Variants in PLCL1 observed in about 807,000 individuals in gnomAD.
PLCL1 encodes phospholipase C like 1 (inactive).
Under a neutral mutation model 84.4 loss-of-function variants are expected in PLCL1, and 41 were observed. The ratio of observed to expected loss-of-function variants is 0.49; its 90% CI spans 0.38 to 0.63. The LOEUF (loss-of-function observed/expected upper bound fraction) is 0.63, where lower values mean the gene tolerates loss of function less well. Ranked by LOEUF, PLCL1 falls within the 30% of genes least tolerant of loss-of-function variation. PLCL1 has a pLI of 0.00. For synonymous variants in PLCL1, 490 were observed against 488.3 expected, an observed-to-expected ratio of 1.00 and a Z score of -0.05; for missense variants, 1,206 against 1,367.8, an observed-to-expected ratio of 0.88 and a Z score of 1.87.
At chr2:198,053,219 T>A (rs540880775) in intron 1 of PLCL1, among the ~76,000 whole-genome samples, 1 of 152,338 alleles carries the variant, frequency 6.6e-6, no homozygotes, top group South Asian at 2.1e-4. Context: ...ATCATTGGCC[T>A]TTTTTGCTGT....
chr2:197,917,529 T>C (rs949512585), intron 1 of PLCL1, among the ~76,000 whole-genome samples: 2 of 152,208 alleles, frequency 1.3e-5, no homozygotes, highest in East Asian at 3.8e-4. Context: ...CTATTTTGTA[T>C]GATATTGTAA....
chr2:197,900,783 T>C (rs1688247485), intron 1 of PLCL1, among the ~76,000 whole-genome samples: 1 of 152,154 alleles, frequency 6.6e-6, no homozygotes, highest in South Asian at 2.1e-4. Flanking sequence ...AAGAAAAAAA[T>C]GCTAACTTTT....
At chr2:198,127,738 C>T (rs1486239159) in intron 5 of PLCL1, among the ~76,000 whole-genome samples, 1 of 152,104 alleles carries the variant, frequency 6.6e-6, no homozygotes, top group Non-Finnish European at 1.5e-5. Context: ...TACATGGAAG[C>T]AGAGGAATAA....
At chr2:197,885,860 G>A (rs1466189801) in intron 1 of PLCL1, among the ~76,000 whole-genome samples, 2 of 152,202 alleles carry the variant, frequency 1.3e-5, no homozygotes, top group Non-Finnish European at 2.9e-5. Context: ...TGCATCATCA[G>A]TGGGGAATGC....
chr2:198,141,251 G>A (rs1412229671), intron 5 of PLCL1, among the ~76,000 whole-genome samples: 3 of 152,146 alleles, frequency 2.0e-5, no homozygotes, highest in Non-Finnish European at 4.4e-5. Context: ...GTAAATCTGA[G>A]CATTGATAAC....
At chr2:197,884,222 C>A (rs1052108909) in intron 1 of PLCL1, among the ~76,000 whole-genome samples, 3 of 152,184 alleles carry the variant, frequency 2.0e-5, no homozygotes, top group Admixed American at 2.0e-4. Flanking sequence ...AACTTAGGCT[C>A]CATTTAAACT....
chr2:197,896,941 A>T (rs774017264), intron 1 of PLCL1, among the ~76,000 whole-genome samples: 27 of 152,002 alleles, frequency 1.8e-4, no homozygotes, highest in Non-Finnish European at 3.1e-4. Flanking sequence ...GAGCAGATAG[A>T]AAGAAGATAA....
intron 1 of PLCL1, among the ~76,000 whole-genome samples, chr2:197,982,417 A>G (rs1310626829): frequency 6.6e-6 from 1 of 152,172 alleles, no homozygotes; most frequent in Non-Finnish European, 1.5e-5. Flanking sequence ...AGAGAAAGCC[A>G]TACTTTTAAC....
chr2:198,002,356 TC>T (rs1363317337), intron 1 of PLCL1, among the ~76,000 whole-genome samples: 2 of 152,216 alleles, frequency 1.3e-5, no homozygotes, highest in Non-Finnish European at 2.9e-5. Flanking sequence ...AAATCAAATT[TC>T]TGGGTGGTAG....
chr2:198,085,859 C>T lies in PLCL1; in HGVS notation c.2342C>T (p.Thr781Ile). The change falls in exon 2 of 6, where the codon ACT becomes ATT. Residue 781 changes from threonine (T) to isoleucine (I), a missense_variant. Physicochemically the swap from Thr to Ile is moderately conservative, Grantham distance 89. Coordinates refer to ENST00000428675, the MANE Select transcript of PLCL1 (RefSeq NM_006226.4). The surrounding 1 kb of genome is among the most constrained non-coding windows in gnomAD (Gnocchi z 5.3). ...QNSDNPIFDE[T>I]FEFQVNLPEL... ...AGTGATAATCCTATTTTTGATGAAA[C>T]TTTTGAGTTCCAAGTAAACCTACCT... 6.2e-7 allele frequency: 1 copy of T among 1,614,094 alleles called. No homozygotes were observed.
chr2:197,939,382 T>A (rs908154812), intron 1 of PLCL1, among the ~76,000 whole-genome samples: 1 of 152,186 alleles, frequency 6.6e-6, no homozygotes, highest in Admixed American at 6.6e-5. Context: ...GGGACCTGTA[T>A]TTGTTTTCCA....
intron 1 of PLCL1, among the ~76,000 whole-genome samples, chr2:198,009,613 A>C (rs1165960099): frequency 6.6e-6 from 1 of 152,042 alleles, no homozygotes; most frequent in African/African-American, 2.4e-5. Flanking sequence ...GAAATCAAGA[A>C]GTGTGATGCC....
At chr2:197,991,326 T>C (rs1163156236) in intron 1 of PLCL1, among the ~76,000 whole-genome samples, 1 of 152,184 alleles carries the variant, frequency 6.6e-6, no homozygotes, top group East Asian at 1.9e-4. Flanking sequence ...TTTCCTGGGA[T>C]TCCAGCTTGC....
chr2:198,118,454 G>A (rs1039260488), intron 5 of PLCL1, among the ~76,000 whole-genome samples: 4 of 151,960 alleles, frequency 2.6e-5, no homozygotes, highest in African/African-American at 9.7e-5. Context: ...CAGCTCCTGG[G>A]AAGGTCAGAT....
chr2:198,061,446 G>A (rs1364380899), intron 1 of PLCL1, among the ~76,000 whole-genome samples: 3 of 152,066 alleles, frequency 2.0e-5, no homozygotes, highest in African/African-American at 7.2e-5. Context: ...GTGAAGGAGG[G>A]TGGGCAGGGA....
chr2:198,084,947 A>T lies in PLCL1; in HGVS notation c.1430A>T (p.Lys477Ile), dbSNP rs201977873. ...CGAAGTGTCATAGAGGTAATAAATAAATTTGCCTTTGTTGCTTCTGAATAC... is the reference window on the plus strand; with the variant it reads ...CGAAGTGTCATAGAGGTAATAAATATATTTGCCTTTGTTGCTTCTGAATAC... Reference protein sequence around the residue: ...SFRSVIEVINKFAFVASEYPL... With the variant: ...SFRSVIEVINIFAFVASEYPL... The change falls in exon 2 of 6, where the codon AAA becomes ATA. Residue 477 changes from lysine (K) to isoleucine (I), a missense_variant. By Grantham distance (102) the Lys-to-Ile change is moderately radical. Transcript: ENST00000428675. The T allele has an allele frequency of 6.4e-5, 103 of 1,613,898 alleles. No individual in the cohort carries two copies. The highest frequency in any genetic ancestry group is 8.4e-5 in the Non-Finnish European group (99 of 1,179,974).
chr2:197,884,581 C>G (rs1687885077), intron 1 of PLCL1, among the ~76,000 whole-genome samples: 1 of 152,174 alleles, frequency 6.6e-6, no homozygotes, highest in South Asian at 2.1e-4. Context: ...CAACAAAACT[C>G]TTCATGGCCC....
At chr2:198,094,838 T>C (rs1693153797) in intron 3 of PLCL1, among the ~76,000 whole-genome samples, 1 of 152,102 alleles carries the variant, frequency 6.6e-6, no homozygotes, top group South Asian at 2.1e-4. Context: ...CTGTTACCAT[T>C]AATACTCTCA....
At chr2:197,939,087 C>G (rs1689105901) in intron 1 of PLCL1, among the ~76,000 whole-genome samples, 1 of 152,102 alleles carries the variant, frequency 6.6e-6, no homozygotes, top group Non-Finnish European at 1.5e-5. Context: ...GGCACTATCT[C>G]CAGTGGGAGT....
Sources: allele counts gnomAD v4.1 joint callset (sites outside exome capture counted in the v4.1 genomes callset), GRCh38; gene constraint gnomAD v4.1.1; non-coding constraint Gnocchi (gnomAD v3.1); transcripts MANE v1.5; gene names NCBI Gene and HGNC (gene_info 2026-07-23, HGNC 2026-07-21).